The following CFAP70 variants were observed in gnomAD, a reference collection of about 807,000 sequenced individuals.
The protein encoded by CFAP70 is cilia- and flagella-associated protein 70.
In CFAP70, 81 loss-of-function variants were observed where a neutral mutation model predicts 137.6. The ratio of observed to expected loss-of-function variants is 0.59; its 90% CI spans 0.49 to 0.71. The LOEUF is 0.71. CFAP70 is among the 30% of genes least tolerant of loss of function. The probability of loss-of-function intolerance (pLI) is 0.00; values close to 1 mark genes in which losing one functional copy is unlikely to be tolerated. For synonymous variants in CFAP70, 382 were observed against 423.6 expected (o/e 0.90, Z 1.20); for missense variants, 976 against 1,226.7 (o/e 0.80, Z 3.05).
chr10:73,323,069 T>A, exon 9 of CFAP70: 29 of 1,612,322 alleles, frequency 1.8e-5, no homozygotes, highest in Non-Finnish European at 2.4e-5. Context: ...AGCCACACCA[T>A]GAAACGAAAG....
At chr10:73,340,277 C>A (rs2053129884) in intron 6 of CFAP70, among the ~76,000 whole-genome samples, 1 of 152,218 alleles carries the variant, frequency 6.6e-6, no homozygotes, top group Non-Finnish European at 1.5e-5. Context: ...GACTGTTCAG[C>A]TCTCAGCAGA....
At chr10:73,312,776 GA>G in intron 9 of CFAP70, 133 bp from the exon 11 acceptor site, 1 of 775,924 alleles carries the variant, frequency 1.3e-6, no homozygotes, top group Non-Finnish European at 2.0e-6. Context: ...GAAGGGACTT[GA>G]AAGACTTCAT....
chr10:73,339,620 G>A (rs1321991356), intron 6 of CFAP70, among the ~76,000 whole-genome samples: 1 of 152,204 alleles, frequency 6.6e-6, no homozygotes, highest in African/African-American at 2.4e-5. Context: ...GTGAGTAAGC[G>A]ATCATGGGGT....
intron 9 of CFAP70, among the ~76,000 whole-genome samples, chr10:73,319,641 C>G (rs2050689111): frequency 6.6e-6 from 1 of 152,196 alleles, no homozygotes; most frequent in South Asian, 2.1e-4. Context: ...AGCGCCTGGT[C>G]TTCCTTGCTT....
chr10:73,264,754 T>C (rs897683314), intron 25 of CFAP70, among the ~76,000 whole-genome samples: 1 of 152,258 alleles, frequency 6.6e-6, no homozygotes, highest in African/African-American at 2.4e-5. Flanking sequence ...GTTAATTATT[T>C]TTCTGCATTG....
chr10:73,266,932 C>T (rs1385266930), intron 25 of CFAP70, among the ~76,000 whole-genome samples: 1 of 151,598 alleles, frequency 6.6e-6, no homozygotes, highest in Non-Finnish European at 1.5e-5. Flanking sequence ...AGTTTCCTTG[C>T]TTTCCCTTTA....
In CFAP70 at chr10:73,345,262, T is replaced by C. The variant is rs1589574381; in HGVS notation, c.350-148A>G. The C allele has an allele frequency of 6.2e-7, 1 of 1,601,854 alleles. No individual in the cohort carries two copies. Among genetic ancestry groups the C allele is most frequent in the Non-Finnish European group, 8.5e-7 (1 of 1,172,116 alleles). On this transcript the variant is annotated intron_variant, in intron 4 of 26. Transcript: ENST00000310715. Reference sequence around the variant, plus strand: ...CTGCACTGCTGTAAAAGAATAAAATTATGCAGCATTTTGAAAATTGCCAGA... The same window carrying C: ...CTGCACTGCTGTAAAAGAATAAAATCATGCAGCATTTTGAAAATTGCCAGA...
chr10:73,359,843 C>G (rs544740729), upstream of CFAP70, among the ~76,000 whole-genome samples: 26 of 152,158 alleles, frequency 1.7e-4, no homozygotes, highest in South Asian at 5.4e-3. Context: ...TCATGGTTAA[C>G]ATCACCAGTG....
At chr10:73,316,743 A>G (rs1369453703) in intron 9 of CFAP70, among the ~76,000 whole-genome samples, 1 of 151,846 alleles carries the variant, frequency 6.6e-6, no homozygotes, top group Admixed American at 6.6e-5. Flanking sequence ...TGCTATTATC[A>G]TATAAATTAA....
At chr10:73,299,293 G>A (rs1369337623) in intron 13 of CFAP70, among the ~76,000 whole-genome samples, 192 bp from the exon 15 acceptor site, 1 of 151,948 alleles carries the variant, frequency 6.6e-6, no homozygotes, top group Non-Finnish European at 1.5e-5. Flanking sequence ...CTTCTCCCTT[G>A]AACTCCTGGC....
intron 1 of CFAP70, among the ~76,000 whole-genome samples, chr10:73,355,867 C>T (rs890345707): frequency 6.6e-6 from 1 of 152,136 alleles, no homozygotes. Context: ...TCCCCGCTGC[C>T]CCCAGTCTGT....
chr10:73,256,790 C>G (rs944282894), intron 25 of CFAP70, among the ~76,000 whole-genome samples: 1 of 150,486 alleles, frequency 6.6e-6, no homozygotes, highest in Non-Finnish European at 1.5e-5. Context: ...GTAGTCCCAG[C>G]TACTAGGGGA....
At chr10:73,272,622 T>C (rs138591816) in intron 24 of CFAP70, among the ~76,000 whole-genome samples, 2 of 152,330 alleles carry the variant, frequency 1.3e-5, no homozygotes, top group African/African-American at 4.8e-5. Flanking sequence ...ATTCTTCATC[T>C]CCCATATCAC....
chr10:73,284,923 ACT>A (rs932720216), intron 19 of CFAP70, among the ~76,000 whole-genome samples: 1 of 149,822 alleles, frequency 6.7e-6, no homozygotes, highest in Non-Finnish European at 1.5e-5. Flanking sequence ...CTTTCAAATT[ACT>A]GTTTTAAAAA....
intron 1 of CFAP70, among the ~76,000 whole-genome samples, chr10:73,358,529 G>C (rs1417272139): frequency 1.3e-5 from 2 of 152,228 alleles, no homozygotes; most frequent in Non-Finnish European, 2.9e-5. Flanking sequence ...GAGGTCGCCG[G>C]GCTGGGGTTG....
At chr10:73,256,553 T>C (rs781659753) in intron 25 of CFAP70, 137 bp from the exon 27 acceptor site, 2 of 834,910 alleles carry the variant, frequency 2.4e-6, no homozygotes, top group South Asian at 1.6e-5. Flanking sequence ...AACTTCTGAA[T>C]TGAGAGGAAA....
At chr10:73,350,503 GC>G (rs1300667603) in intron 3 of CFAP70, among the ~76,000 whole-genome samples, 2 of 151,612 alleles carry the variant, frequency 1.3e-5, no homozygotes, top group African/African-American at 4.9e-5. Context: ...TTAGATTCTT[GC>G]TCTTATTAAT....
intron 12 of CFAP70, among the ~76,000 whole-genome samples, chr10:73,302,317 AT>A (rs2049010009): frequency 1.3e-5 from 2 of 152,196 alleles, no homozygotes; most frequent in African/African-American, 4.8e-5. Context: ...CCAGGAGAGT[AT>A]AGTGTCCTTA....
At chr10:73,260,618 T>G (rs1175681767) in intron 25 of CFAP70, among the ~76,000 whole-genome samples, 2 of 152,214 alleles carry the variant, frequency 1.3e-5, no homozygotes, top group Non-Finnish European at 2.9e-5. Context: ...AAAAAGTTCT[T>G]TCATGCCTGT....
Sources: allele counts gnomAD v4.1 joint callset (sites outside exome capture counted in the v4.1 genomes callset), GRCh38; gene constraint gnomAD v4.1.1; transcripts MANE v1.5; gene names NCBI Gene and HGNC (gene_info 2026-07-23, HGNC 2026-07-21).